Variants in NOP14 observed in about 807,000 individuals in gnomAD.
NOP14 encodes NOP14 nucleolar protein, also known as nucleolar protein 14.
NOP14 carries 57 observed loss-of-function variants against 101.6 expected under a neutral mutation model. The observed-to-expected ratio is 0.56, with a 90% confidence interval of 0.45 to 0.70. The LOEUF is 0.70. NOP14 is among the 30% of genes least tolerant of loss of function. The pLI, the probability that NOP14 is intolerant of heterozygous loss-of-function variation, is 0.00. For synonymous variants in NOP14, 428 were observed against 424.0 expected, an observed-to-expected ratio of 1.01 and a Z score of -0.12; for missense variants, 1,134 against 1,075.5, an observed-to-expected ratio of 1.05 and a Z score of -0.76.
chr4:2,951,315 T>C, intron 6 of NOP14, 70 bp from the exon 7 acceptor site: 2 of 1,464,910 alleles, frequency 1.4e-6, no homozygotes, highest in South Asian at 1.2e-5. Flanking sequence ...CGTGCAGTCC[T>C]GCCCTGGGCA....
At chr4:2,961,258 A>ATATAGTATAT (rs1715868809) in intron 1 of NOP14, 5 of 144,794 alleles carry the variant, frequency 3.5e-5, no homozygotes, top group Non-Finnish European at 1.5e-5. Flanking sequence ...AACTATATTA[A>ATATAGTATAT]TAATATAGTT....
At position 2,938,058 on chromosome 4, in the gene NOP14, G is replaced by A; in HGVS notation, c.*773C>T. 2 of 500,342 alleles carry A rather than the reference G, an allele frequency of 4.0e-6. No homozygotes were observed. Among genetic ancestry groups the A allele is most frequent in the South Asian group, 4.1e-5 (2 of 49,218 alleles). The allele number at this position is 500,342 out of a possible 1,614,324, so 31.0% of individuals were successfully genotyped here. Reference sequence around the variant, plus strand: ...CCCCAGTCCCCATGAGGCTTGTCCAGACGCAGTGAACCAGTCGCAGCTGAT... The same window carrying A: ...CCCCAGTCCCCATGAGGCTTGTCCAAACGCAGTGAACCAGTCGCAGCTGAT... On this transcript the variant is annotated 3_prime_UTR_variant, in exon 18 of 18. Coordinates refer to ENST00000416614, the MANE Select transcript of NOP14 (RefSeq NM_001291978.2).
At chr4:2,952,693 G>C (rs544063013) in intron 5 of NOP14, among the ~76,000 whole-genome samples, 1 of 152,320 alleles carries the variant, frequency 6.6e-6, no homozygotes, top group Non-Finnish European at 1.5e-5. Context: ...TGTAATCCCA[G>C]CACTTTGGGA....
At chr4:2,961,174 C>CA (rs1715835852) in intron 1 of NOP14, among the ~76,000 whole-genome samples, 1 of 3,778 alleles carries the variant, frequency 2.6e-4, no homozygotes, top group Non-Finnish European at 5.3e-4. Context: ...TATGCTATTA[C>CA]AATAATATAT....
intron 9 of NOP14, 120 bp downstream of exon 9, chr4:2,948,158 G>A (rs1214836647): frequency 2.4e-6 from 3 of 1,241,506 alleles, no homozygotes; most frequent in South Asian, 1.7e-5. Context: ...ACCATGTGAC[G>A]GGCTGGCCCC....
chr4:2,943,833 G>A (rs1487839407), intron 13 of NOP14, among the ~76,000 whole-genome samples: 2 of 152,358 alleles, frequency 1.3e-5, no homozygotes, highest in South Asian at 2.1e-4. Flanking sequence ...GGTAGGGTAC[G>A]TCTCAGTTCA....
chr4:2,961,945 A>G (rs1715980661), intron 1 of NOP14, among the ~76,000 whole-genome samples: 1 of 152,156 alleles, frequency 6.6e-6, no homozygotes, highest in East Asian at 1.9e-4. Context: ...AACCTGTCCT[A>G]TTTGGGTTAC....
chr4:2,952,184 G>T, intron 6 of NOP14, 91 bp downstream of exon 6: 1 of 1,306,698 alleles, frequency 7.7e-7, no homozygotes, highest in Non-Finnish European at 1.1e-6. Flanking sequence ...ATCAAACAGA[G>T]TATTCTCTTC....
rs545192637 is a variant in NOP14 at position 2,953,717 on chromosome 4, T to C, written c.613-72A>G. ...CTTCAACCCAGAGGCCCAATGTCAG[T>C]GCCAAGGACACACACAGTGATCACT... On this transcript the variant is annotated intron_variant, in intron 4 of 17. Coordinates refer to ENST00000416614, the MANE Select transcript of NOP14 (RefSeq NM_001291978.2). 32 of 1,566,168 alleles carry C rather than the reference T, an allele frequency of 2.0e-5. No individual in the cohort carries two copies. In the African/African-American group the frequency reaches 4.2e-4, roughly 21 times the overall value.
In NOP14 at chr4:2,963,393, C is replaced by G. The variant is rs989856421; in HGVS notation, c.-74G>C. On this transcript the variant is annotated 5_prime_UTR_variant, in exon 1 of 18. Transcript: ENST00000416614. ...GCGCGCGCTACCCTAAGACACGTGCCGGGCCGCGGAACCGCTTCCTCGTCT... is the reference window on the plus strand; with the variant it reads ...GCGCGCGCTACCCTAAGACACGTGCGGGGCCGCGGAACCGCTTCCTCGTCT... The G allele has an allele frequency of 2.1e-6, 3 of 1,406,182 alleles. No individual in the cohort carries two copies. Among genetic ancestry groups the G allele is most frequent in the South Asian group, 2.8e-5 (2 of 70,190 alleles). The allele number at this position is 1,406,182 out of a possible 1,614,324, so 87.1% of individuals were successfully genotyped here. A position where few individuals can be genotyped will look rare whatever the true frequency, so the allele number is the denominator to read the frequency against.
intron 8 of NOP14, among the ~76,000 whole-genome samples, chr4:2,948,824 C>G (rs1440622398): frequency 6.6e-6 from 1 of 152,220 alleles, no homozygotes; most frequent in Non-Finnish European, 1.5e-5. Context: ...TATAACTATT[C>G]TACTTCACGA....
chr4:2,946,558 G>A lies in NOP14; in HGVS notation c.1500-11C>T. On this transcript the variant is annotated splice_polypyrimidine_tract_variant and intron_variant, in intron 10 of 17. Coordinates refer to ENST00000416614, the MANE Select transcript of NOP14 (RefSeq NM_001291978.2). ...AGATGATATAAGTGCCTGTTAAGCA[G>A]AAATGTAAAGTCAGGAGAGAATGAC... The A allele has an allele frequency of 6.2e-7, 1 of 1,613,730 alleles. No homozygotes were observed. The highest frequency in any genetic ancestry group is 8.5e-7 in the Non-Finnish European group (1 of 1,179,762).
chr4:2,944,115 G>C lies in NOP14; in HGVS notation c.1849C>G (p.Leu617Val), dbSNP rs1714431537. Residue 617 changes from leucine to valine, a missense_variant, in exon 13 of 18, where the codon CTT becomes GTT. By Grantham distance (32) the Leu-to-Val change is conservative. Coordinates refer to ENST00000416614, the MANE Select transcript of NOP14 (RefSeq NM_001291978.2). Reference sequence around the variant, plus strand: ...GGAGTTGCTATGTAAAGAATCCCAAGAAGAAAATTAATAAGCTCAGGTATA... The same window carrying C: ...GGAGTTGCTATGTAAAGAATCCCAACAAGAAAATTAATAAGCTCAGGTATA... ...RFIPELINFL[L>V]GILYIATPNK... 6.2e-7 allele frequency: 1 copy of C among 1,613,356 alleles called. No homozygotes were observed. The highest frequency in any genetic ancestry group is 8.5e-7 in the Non-Finnish European group (1 of 1,179,776).
chr4:2,951,657 GT>G (rs1269138251), intron 6 of NOP14, among the ~76,000 whole-genome samples: 2 of 152,108 alleles, frequency 1.3e-5, no homozygotes, highest in African/African-American at 4.8e-5. Flanking sequence ...TAGTGATGTG[GT>G]TATGTCAAAA....
chr4:2,953,484 GAGTTTGTTTC>G lies in NOP14; in HGVS notation c.747+17_747+26del. 1 of 1,612,558 alleles carries G rather than the reference GAGTTTGTTTC, an allele frequency of 6.2e-7. No individual in the cohort carries two copies. The highest frequency in any genetic ancestry group is 8.5e-7 in the Non-Finnish European group (1 of 1,179,032). On this transcript the variant is annotated intron_variant, in intron 5 of 17. Transcript: ENST00000416614. ...CGGTCACCCAAGCTCAGTGAGTGAA[GAGTTTGTTTC>G]AGTACTTGGCTCCCACCTTGGGTTT...
In NOP14 at chr4:2,957,981, C is replaced by T. The variant is rs530867859; in HGVS notation, c.196-241G>A. Reference sequence around the variant, plus strand: ...TTTCTTCTTTAGAGTCTACCGGTGCCAAAAGGAAGGGTAAAAAAGAACACA... The same window carrying T: ...TTTCTTCTTTAGAGTCTACCGGTGCTAAAAGGAAGGGTAAAAAAGAACACA... On this transcript the variant is annotated intron_variant, in intron 1 of 17. Transcript: ENST00000416614. Among the ~76,000 whole-genome samples the T allele has an allele frequency of 3.3e-5, 5 of 152,232 alleles. No individual in the cohort carries two copies. In the South Asian group the frequency reaches 8.3e-4, roughly 25 times the overall value.
At chr4:2,954,625 T>G in intron 3 of NOP14, 62 bp from the exon 4 acceptor site, 1 of 1,569,962 alleles carries the variant, frequency 6.4e-7, no homozygotes. Context: ...AAGTGTTTCC[T>G]GTAGCACTCT....
At chr4:2,960,675 A>G (rs1323441578) in intron 1 of NOP14, among the ~76,000 whole-genome samples, 1 of 140,554 alleles carries the variant, frequency 7.1e-6, no homozygotes, top group Non-Finnish European at 1.5e-5. Context: ...TTATATTAAT[A>G]TTATATTAAT....
At chr4:2,955,705 G>A (rs1365177734) in intron 3 of NOP14, among the ~76,000 whole-genome samples, 1 of 152,258 alleles carries the variant, frequency 6.6e-6, no homozygotes, top group Non-Finnish European at 1.5e-5. Context: ...ATAGCTAAGG[G>A]TCCACGAGAA....
Sources: gnomAD v4.1 joint callset for allele counts (sites outside exome capture counted in the v4.1 genomes callset) on GRCh38, gnomAD v4.1.1 for gene constraint, MANE v1.5 for transcripts, NCBI Gene and HGNC (gene_info 2026-07-23, HGNC 2026-07-21) for gene names.